Variants in MLPH observed in about 807,000 individuals in gnomAD.
MLPH encodes the protein melanophilin, also known as exophilin-3.
Under a neutral mutation model 72.1 loss-of-function variants are expected in MLPH, and 51 were observed. That is an observed-to-expected ratio of 0.71 (90% CI 0.56 to 0.89). The LOEUF is 0.89. Among genes scored for constraint, MLPH ranks in the 40% least tolerant of loss-of-function variants. The pLI, the probability that MLPH is intolerant of heterozygous loss-of-function variation, is 0.00. For synonymous variants in MLPH, 301 were observed against 310.1 expected, an observed-to-expected ratio of 0.97 and a Z score of 0.31; for missense variants, 743 against 759.9, an observed-to-expected ratio of 0.98 and a Z score of 0.26.
Position 237,553,804 on chromosome 2 carries a change from G to A in MLPH, c.*212G>A. 1 of 735,548 alleles carries A rather than the reference G, an allele frequency of 1.4e-6. No individual in the cohort carries two copies. The highest frequency in any genetic ancestry group is 2.5e-6 in the Non-Finnish European group (1 of 400,920). The allele number at this position is 735,548 out of a possible 1,614,324, so 45.6% of individuals were successfully genotyped here. ...CTGGGTTTACTGATGACTCCTGGCT[G>A]CCCCACCATCCTCTCTGATCTGTGA... is the stretch of plus-strand genomic sequence containing the variant. On this transcript the variant is annotated 3_prime_UTR_variant, in exon 16 of 16. Coordinates refer to ENST00000264605, the MANE Select transcript of MLPH (RefSeq NM_024101.7).
chr2:237,500,940 T>G (rs938240454), intron 2 of MLPH, among the ~76,000 whole-genome samples: 7 of 152,088 alleles, frequency 4.6e-5, no homozygotes, highest in Admixed American at 3.3e-4. Context: ...CTCACCGTCT[T>G]GTTGTCCATT....
chr2:237,495,937 T>C (rs1393800961), intron 2 of MLPH, among the ~76,000 whole-genome samples: 1 of 152,196 alleles, frequency 6.6e-6, no homozygotes, highest in East Asian at 1.9e-4. Context: ...CCCTCCACTC[T>C]TGAGTCTCAG....
At chr2:237,547,604 G>C (rs568353175) in intron 13 of MLPH, among the ~76,000 whole-genome samples, 14 of 54,364 alleles carry the variant, frequency 2.6e-4, no homozygotes, top group African/African-American at 1.6e-3. Flanking sequence ...ACAGAGGGCA[G>C]AGCCAGCCTG....
At chr2:237,508,852 G>A (rs979957905) in intron 2 of MLPH, among the ~76,000 whole-genome samples, 2 of 152,152 alleles carry the variant, frequency 1.3e-5, no homozygotes, top group East Asian at 1.9e-4. Context: ...GAGACTGCAC[G>A]TACTTGCTTA....
chr2:237,536,794 C>T (rs1330138131), intron 9 of MLPH, among the ~76,000 whole-genome samples: 1 of 152,230 alleles, frequency 6.6e-6, no homozygotes, highest in East Asian at 1.9e-4. Flanking sequence ...ACACTCGGGA[C>T]CCGCTGTCCT....
intron 2 of MLPH, among the ~76,000 whole-genome samples, chr2:237,497,911 G>A (rs1343006432): frequency 6.6e-6 from 1 of 152,202 alleles, no homozygotes; most frequent in Non-Finnish European, 1.5e-5. Flanking sequence ...AGAAACTGGT[G>A]CTCGAGGGAC....
At chr2:237,549,317 A>C in intron 14 of MLPH, 39 bp downstream of exon 14, 7 of 1,576,768 alleles carry the variant, frequency 4.4e-6, no homozygotes, top group Non-Finnish European at 6.1e-6. Context: ...TGGGCCTGGG[A>C]AATGAGCTTC....
chr2:237,535,190 A>G (rs2080506451), intron 9 of MLPH, among the ~76,000 whole-genome samples: 1 of 152,212 alleles, frequency 6.6e-6, no homozygotes, highest in African/African-American at 2.4e-5. Context: ...ACCACATGGC[A>G]CATGGTGACA....
In MLPH at chr2:237,527,805, G is replaced by A. The variant is rs549207505; in HGVS notation, c.1020+289G>A. 260 of 458,074 alleles carry A rather than the reference G, an allele frequency of 5.7e-4. 2 individuals are homozygous for A. Among genetic ancestry groups the A allele is most frequent in the South Asian group, 5.6e-3 (252 of 44,642 alleles). The allele number at this position is 458,074 out of a possible 1,614,324, so 28.4% of individuals were successfully genotyped here. A position where few individuals can be genotyped will look rare whatever the true frequency, so the allele number is the denominator to read the frequency against. On this transcript the variant is annotated intron_variant, in intron 8 of 15. Coordinates refer to ENST00000264605, the MANE Select transcript of MLPH (RefSeq NM_024101.7). Reference sequence around the variant, plus strand: ...ATACACCCCAAAAAATTGAAGACAGGGACTGAAAAAGATATTTGCAACCCC... The same window carrying A: ...ATACACCCCAAAAAATTGAAGACAGAGACTGAAAAAGATATTTGCAACCCC...
chr2:237,545,876 T>C (rs2080908343), intron 12 of MLPH: 1 of 199,150 alleles, frequency 5.0e-6, no homozygotes, highest in Admixed American at 5.4e-5. Flanking sequence ...AAATTAGCTG[T>C]CGATCTTGTG....
chr2:237,519,687 A>G lies in MLPH; in HGVS notation c.556-223A>G, dbSNP rs57140815. Among the ~76,000 whole-genome samples, 37,467 of 152,084 alleles carry G rather than the reference A, an allele frequency of 0.25. 5,802 individuals carry two copies. The highest frequency in any genetic ancestry group is 0.44 in the African/African-American group (18,252 of 41,464). On this transcript the variant is annotated intron_variant, in intron 5 of 15. Coordinates refer to ENST00000264605, the MANE Select transcript of MLPH (RefSeq NM_024101.7). The stretch of plus-strand genomic sequence containing the variant: ...AAGTTTCTGGAGATGCAGATCCTGT[A>G]TCCTGGGTGGGATGGGCACCGTGAG...
Position 237,527,525 on chromosome 2 carries a change from G to A in MLPH, c.1020+9G>A. On this transcript the variant is annotated intron_variant, in intron 8 of 15. Transcript: ENST00000264605. ...CGTCTTCTGAGAGTCAGGTAACGGT[G>A]GCTGGAAAGACTTCTGTCTTGTCGT... The A allele has an allele frequency of 6.2e-7, 1 of 1,614,080 alleles. No homozygotes were observed. Among genetic ancestry groups the A allele is most frequent in the Non-Finnish European group, 8.5e-7 (1 of 1,180,030 alleles).
intron 2 of MLPH, among the ~76,000 whole-genome samples, chr2:237,496,453 C>T (rs555858837): frequency 7.2e-5 from 11 of 152,302 alleles, no homozygotes; most frequent in African/African-American, 2.4e-4. Flanking sequence ...ATTTCATGCT[C>T]TTTTCATCAT....
chr2:237,543,097 G>GGA (rs1559373746), intron 12 of MLPH, among the ~76,000 whole-genome samples: 1 of 78,396 alleles, frequency 1.3e-5, no homozygotes, highest in Non-Finnish European at 2.5e-5. Flanking sequence ...GGTGAGTGGG[G>GGA]ACAGTGGTGA....
intron 15 of MLPH, chr2:237,553,075 T>G (rs542990958): frequency 1.1e-5 from 5 of 468,578 alleles, no homozygotes; most frequent in South Asian, 7.8e-5. Flanking sequence ...TCCCATTGGT[T>G]ACTTGGTTAT....
In MLPH at chr2:237,518,599, G is replaced by C; in HGVS notation, c.506G>C (p.Gly169Ala). The change falls in exon 5 of 16, where the codon GGA becomes GCA. Residue 169 changes from glycine to alanine, a missense_variant. Gly to Ala is a moderately conservative substitution (Grantham distance 60, BLOSUM62 0). Coordinates refer to ENST00000264605, the MANE Select transcript of MLPH (RefSeq NM_024101.7). ...SGDSDQTDED[G>A]EPGSEAQAQA... The stretch of plus-strand genomic sequence containing the variant: ...GACAGCGACCAGACAGATGAGGATG[G>C]AGAACCTGGCTCAGAGGCCCAGGCC... 1 of 1,613,836 alleles carries C rather than the reference G, an allele frequency of 6.2e-7. No individual in the cohort carries two copies. Among genetic ancestry groups the C allele is most frequent in the Non-Finnish European group, 8.5e-7 (1 of 1,179,908 alleles).
intron 2 of MLPH, among the ~76,000 whole-genome samples, chr2:237,507,921 A>T (rs1229061778): frequency 6.6e-6 from 1 of 152,120 alleles, no homozygotes; most frequent in Non-Finnish European, 1.5e-5. Context: ...TGGCGATCGG[A>T]ACAATTGCCC....
Position 237,549,227 on chromosome 2 carries a change from G to T in MLPH, c.1624G>T (p.Ala542Ser), listed in dbSNP as rs2080983010. The T allele has an allele frequency of 6.2e-7, 1 of 1,613,978 alleles. No individual in the cohort carries two copies. The highest frequency in any genetic ancestry group is 1.3e-5 in the African/African-American group (1 of 74,910). ...GACACTCTGTTTCTTCTAGGCAATG[G>T]CTGTGCCCTATCTTCTGAGAAGAAA... ...ADPSSEAKAM[A>S]VPYLLRRKFS... is the part of the protein sequence containing the mutation. The change falls in exon 14 of 16, where the codon GCT becomes TCT. Residue 542 changes from alanine (A) to serine (S), a missense_variant. Ala to Ser is a moderately conservative substitution (Grantham distance 99). Transcript: ENST00000264605.
In MLPH at chr2:237,493,864, C is replaced by A. The variant is rs182262873; in HGVS notation, c.110+328C>A. ...GTGATACATGGGGAAAGTCTCCATGCCATTCTGAAACACCTAGATGTTGGA... is the reference window on the plus strand; with the variant it reads ...GTGATACATGGGGAAAGTCTCCATGACATTCTGAAACACCTAGATGTTGGA... On this transcript the variant is annotated intron_variant, in intron 2 of 15. Coordinates refer to ENST00000264605, the MANE Select transcript of MLPH (RefSeq NM_024101.7). Among the ~76,000 whole-genome samples the A allele has an allele frequency of 3.4e-3, 523 of 152,308 alleles. 4 individuals carry two copies. Among genetic ancestry groups the A allele is most frequent in the Non-Finnish European group, 4.0e-3 (275 of 68,026 alleles).
Sources: allele counts gnomAD v4.1 joint callset (sites outside exome capture counted in the v4.1 genomes callset), GRCh38; gene constraint gnomAD v4.1.1; transcripts MANE v1.5; gene names NCBI Gene and HGNC (gene_info 2026-07-23, HGNC 2026-07-21).